The following PCGF2 variants were observed in gnomAD, a reference collection of about 807,000 sequenced individuals.
PCGF2 encodes the protein polycomb group RING finger protein 2.
PCGF2 carries 8 observed loss-of-function variants against 36.1 expected under a neutral mutation model. The observed-to-expected ratio is 0.22, with a 90% CI of 0.13 to 0.40. The LOEUF (loss-of-function observed/expected upper bound fraction) is 0.40. Among genes scored for constraint, PCGF2 ranks in the 10% least tolerant of loss-of-function variants. The pLI is 1.00. For missense variants in PCGF2, 436 were observed against 475.9 expected, an observed-to-expected ratio of 0.92 and a Z score of 0.78; for synonymous variants, 198 against 191.2, an observed-to-expected ratio of 1.04 and a Z score of -0.29.
Position 38,741,485 on chromosome 17 carries a change from C to T in PCGF2, c.-40-1043G>A, listed in dbSNP as rs542178254. Among the ~76,000 whole-genome samples, 17 of 152,208 alleles carry T rather than the reference C, an allele frequency of 1.1e-4. 1 individual carries two copies. The South Asian group carries it at 3.1e-3, about 28-fold the overall frequency. Reference sequence around the variant, plus strand: ...TCAGACTTGATCCTTCCACTACGTCCCAGCCTCCTATCTACTCCATCCATT... The same window carrying T: ...TCAGACTTGATCCTTCCACTACGTCTCAGCCTCCTATCTACTCCATCCATT... On this transcript the variant is annotated intron_variant, in intron 2 of 10. Transcript: ENST00000620225.
chr17:38,744,660 C>T (rs1377702036), intron 2 of PCGF2, among the ~76,000 whole-genome samples: 1 of 152,110 alleles, frequency 6.6e-6, no homozygotes, highest in East Asian at 1.9e-4. Flanking sequence ...CCAGACCCAT[C>T]TCTCCATTTT....
Position 38,740,789 on chromosome 17 carries a change from C to T in PCGF2, c.-40-347G>A, listed in dbSNP as rs140493901. Among the ~76,000 whole-genome samples the T allele has an allele frequency of 2.4e-4, 36 of 151,846 alleles. No individual in the cohort carries two copies. In the East Asian group the frequency reaches 6.5e-3, roughly 27 times the overall value. On this transcript the variant is annotated intron_variant, in intron 2 of 10. Coordinates refer to ENST00000620225, the MANE Select transcript of PCGF2 (RefSeq NM_007144.3). Reference sequence around the variant, plus strand: ...AGAAAAGAAAAAAGAAACCCAGAGCCTCGGCAGCCCCTCTTACGCTTCACT... The same window carrying T: ...AGAAAAGAAAAAAGAAACCCAGAGCTTCGGCAGCCCCTCTTACGCTTCACT...
intron 2 of PCGF2, among the ~76,000 whole-genome samples, chr17:38,742,599 C>T (rs1038658664): frequency 2.6e-5 from 4 of 152,246 alleles, no homozygotes; most frequent in Non-Finnish European, 4.4e-5. Flanking sequence ...TCCCACCCCA[C>T]GCAGGGTGGC....
chr17:38,743,334 GC>G (rs1436700468), intron 2 of PCGF2, among the ~76,000 whole-genome samples: 1 of 150,050 alleles, frequency 6.7e-6, no homozygotes, highest in Non-Finnish European at 1.5e-5. Flanking sequence ...CAAGTGATCT[GC>G]CCGCCTCCAC....
chr17:38,736,127 G>T lies in PCGF2; in HGVS notation c.620C>A (p.Thr207Asn). The T allele has an allele frequency of 6.3e-7, 1 of 1,587,878 alleles. No individual in the cohort carries two copies. The highest frequency in any genetic ancestry group is 8.6e-7 in the Non-Finnish European group (1 of 1,166,784). ...YEDEPLKEYY[T>N]LMDIAYIYPW... The stretch of plus-strand genomic sequence containing the variant: ...GTAGATGTAGGCGATGTCCATGAGG[G>T]TGTAGTATTCCTTCAGTGGCTCGTC... Residue 207 changes from threonine (T) to asparagine (N), a missense_variant, in exon 10 of 11, where the codon ACC (threonine) becomes AAC (asparagine). Physicochemically the swap from Thr to Asn is moderately conservative, Grantham distance 65. Coordinates refer to ENST00000620225, the MANE Select transcript of PCGF2 (RefSeq NM_007144.3).
chr17:38,735,921 G>A (rs777339920), intron 10 of PCGF2, among the ~76,000 whole-genome samples, 169 bp downstream of exon 10: 2 of 152,186 alleles, frequency 1.3e-5, no homozygotes, highest in South Asian at 2.1e-4. Flanking sequence ...AAAGTCATCC[G>A]CAAGAGATGG....
At position 38,735,235 on chromosome 17, in the gene PCGF2, G is replaced by C. The variant is rs371320094; in HGVS notation, c.1023C>G (p.Pro341=). ...AGGGTCCCTGGCCTCAAGTTAAGGG[G>C]GGCACGGGAGCGCCGTTGACAGTCA... ...RKMTVNGAPV[P]PLT Residue 341 remains proline, a synonymous_variant, in exon 11 of 11, where the codon CCC becomes CCG. Transcript: ENST00000620225. The C allele has an allele frequency of 2.1e-6, 3 of 1,440,614 alleles. 1 individual carries two copies. Among genetic ancestry groups the C allele is most frequent in the South Asian group, 3.0e-5 (2 of 67,784 alleles). 89.2% of individuals were successfully genotyped at this position (1,440,614 alleles called of 1,614,324 possible). A position where few individuals can be genotyped will look rare whatever the true frequency, so the allele number is the denominator to read the frequency against.
chr17:38,749,679 C>T (rs1216165915), upstream of PCGF2: 1 of 456,052 alleles, frequency 2.2e-6, no homozygotes, highest in Admixed American at 2.3e-5. This position sits in a 1 kb window ranked among gnomAD's most constrained non-coding sequence, Gnocchi z 6.5. Context: ...GGAGCGCCTG[C>T]CTCCTCTTCC....
intron 2 of PCGF2, among the ~76,000 whole-genome samples, chr17:38,747,281 T>C (rs898957958): frequency 4.0e-5 from 6 of 151,748 alleles, no homozygotes; most frequent in Non-Finnish European, 8.8e-5. Flanking sequence ...CCCTCAGAGC[T>C]AGCAGTAGGA....
chr17:38,749,288 TGGGCGCGCGGGCGGGAGAGTC>T (rs1907766475), upstream of PCGF2: 3 of 211,054 alleles, frequency 1.4e-5, no homozygotes, highest in South Asian at 1.9e-4. This position sits in a 1 kb window ranked among gnomAD's most constrained non-coding sequence, Gnocchi z 6.5. Flanking sequence ...TGCGCCTCCC[TGGGCGCGCGGGCGGGAGAGTC>T]GGGCGAGCGC....
chr17:38,737,062 T>G (rs913282427), intron 9 of PCGF2, among the ~76,000 whole-genome samples: 1 of 150,094 alleles, frequency 6.7e-6, no homozygotes, highest in African/African-American at 2.5e-5. Flanking sequence ...GCCCGGGGGG[T>G]CAGCAGAGGT....
chr17:38,738,304 G>T, intron 9 of PCGF2, 49 bp downstream of exon 9: 1 of 1,463,648 alleles, frequency 6.8e-7, no homozygotes, highest in Non-Finnish European at 9.5e-7. Context: ...CAGACTGTCT[G>T]ACACACCCAT....
intron 9 of PCGF2, 90 bp downstream of exon 9, chr17:38,738,263 C>T (rs1258587004): frequency 1.2e-5 from 13 of 1,127,214 alleles, no homozygotes; most frequent in Non-Finnish European, 1.7e-5. Context: ...TGGGTGACAC[C>T]TAGCCAGCTC....
upstream of PCGF2, among the ~76,000 whole-genome samples, chr17:38,749,018 G>T (rs3760146): frequency 0.2 from 29,717 of 152,036 alleles, 3,647 homozygotes; most frequent in Admixed American, 0.32. This position sits in a 1 kb window ranked among gnomAD's most constrained non-coding sequence, Gnocchi z 6.5. Context: ...GGTGAGGCCG[G>T]GTGGGGGGCC....
In PCGF2 at chr17:38,739,141, G is replaced by A. The variant is rs1046472821; in HGVS notation, c.266-23C>T. The A allele has an allele frequency of 2.5e-6, 4 of 1,614,006 alleles. No homozygotes were observed. In the African/African-American group the frequency reaches 4.0e-5, roughly 16 times the overall value. On this transcript the variant is annotated intron_variant, in intron 5 of 10. Coordinates refer to ENST00000620225, the MANE Select transcript of PCGF2 (RefSeq NM_007144.3). The surrounding 1 kb of genome is among the most constrained non-coding windows in gnomAD (Gnocchi z 4.0). Reference sequence around the variant, plus strand: ...CATCTGGAAGAAGGCAGCAGGATGAGGACAGGGCCATGGGTTGGGAAATGG... The same window carrying A: ...CATCTGGAAGAAGGCAGCAGGATGAAGACAGGGCCATGGGTTGGGAAATGG...
chr17:38,739,807 T>C lies in PCGF2; in HGVS notation c.113-125A>G, dbSNP rs1907054075. ...ACCCTGTCCCTGCTCCGAGGCCCAA[T>C]GTGGCGATGTGTGTTCTGCACGTGT... On this transcript the variant is annotated intron_variant, in intron 3 of 10. Coordinates refer to ENST00000620225, the MANE Select transcript of PCGF2 (RefSeq NM_007144.3). The surrounding 1 kb of genome is among the most constrained non-coding windows in gnomAD (Gnocchi z 4.0). The C allele has an allele frequency of 4.2e-6, 3 of 722,684 alleles. No individual in the cohort carries two copies. Among genetic ancestry groups the C allele is most frequent in the South Asian group, 3.1e-5 (2 of 64,710 alleles). 44.8% of individuals were successfully genotyped at this position (722,684 alleles called of 1,614,324 possible). A position where few individuals can be genotyped will look rare whatever the true frequency, so the allele number is the denominator to read the frequency against.
chr17:38,736,101 G>C lies in PCGF2; in HGVS notation c.646C>G (p.Pro216Ala). The change falls in exon 10 of 11, where the codon CCC becomes GCC. Residue 216 changes from proline to alanine, a missense_variant. Pro to Ala is a conservative substitution (Grantham distance 27, BLOSUM62 -1). Transcript: ENST00000620225. ...ACTCGCTGGCTCACCCGCCGCCAGGGGTAGATGTAGGCGATGTCCATGAGG... is the reference window on the plus strand; with the variant it reads ...ACTCGCTGGCTCACCCGCCGCCAGGCGTAGATGTAGGCGATGTCCATGAGG... The part of the protein sequence containing the change: ...YTLMDIAYIY[P>A]WRRNGPLPLK... The C allele has an allele frequency of 6.3e-7, 1 of 1,578,636 alleles. No individual in the cohort carries two copies. The highest frequency in any genetic ancestry group is 2.3e-5 in the East Asian group (1 of 43,554).
upstream of PCGF2, chr17:38,748,377 G>T (rs1907697767): frequency 7.0e-6 from 1 of 142,946 alleles, no homozygotes; most frequent in Admixed American, 6.9e-5. Flanking sequence ...GGGGACCGAG[G>T]GGGGAGGGGA....
chr17:38,747,613 G>A (rs1014303421), intron 2 of PCGF2, among the ~76,000 whole-genome samples: 3 of 152,072 alleles, frequency 2.0e-5, no homozygotes, highest in Non-Finnish European at 2.9e-5. Flanking sequence ...GGCGGGGGGA[G>A]GTGCCCGAGA....
Sources: allele counts gnomAD v4.1 joint callset (sites outside exome capture counted in the v4.1 genomes callset), GRCh38; gene constraint gnomAD v4.1.1; non-coding constraint Gnocchi (gnomAD v3.1); transcripts MANE v1.5; gene names NCBI Gene and HGNC (gene_info 2026-07-23, HGNC 2026-07-21).